GFPT2: variants seen among roughly 807,000 people sequenced by gnomAD.
GFPT2 encodes glutamine--fructose-6-phosphate transaminase 2.
Under a neutral mutation model 85.6 loss-of-function variants are expected in GFPT2, and 62 were observed. The observed-to-expected ratio is 0.72, with a 90% CI of 0.59 to 0.90. The LOEUF (loss-of-function observed/expected upper bound fraction) is 0.90. Ranked by LOEUF, GFPT2 falls within the 40% of genes least tolerant of loss-of-function variation. GFPT2 has a pLI of 0.00. For missense variants in GFPT2, 788 were observed against 893.4 expected (o/e 0.88, Z 1.50); for synonymous variants, 368 against 344.5 (o/e 1.07, Z -0.75).
At chr5:180,334,271 G>A (rs572940294) in intron 4 of GFPT2, among the ~76,000 whole-genome samples, 6 of 152,334 alleles carry the variant, frequency 3.9e-5, no homozygotes, top group African/African-American at 1.4e-4. Context: ...GGGTGGATGG[G>A]GCTCTCCTTC....
rs1397072384 is a variant in GFPT2, at chr5:180,318,920, C to T, written c.831G>A (p.Leu277=). The change falls in exon 10 of 19, where the codon CTG becomes CTA. Residue 277 remains leucine, a synonymous_variant. Coordinates refer to ENST00000253778, the MANE Select transcript of GFPT2 (RefSeq NM_005110.4). The surrounding 1 kb of genome is among the most constrained non-coding windows in gnomAD (Gnocchi z 4.2). ...CCACTGCGGCGATGTCATCGTCCTC[C>T]AGGAAGATGACCCGGTTGGTGTGCT... ...IIEHTNRVIF[L]EDDDIAAVAD... 1.9e-6 allele frequency: 3 copies of T among 1,613,492 alleles called. No homozygotes were observed. Among genetic ancestry groups the T allele is most frequent in the Admixed American group, 3.3e-5 (2 of 60,018 alleles).
Position 180,353,192 on chromosome 5 carries a change from G to C in GFPT2, c.7+19C>G. 22 of 1,235,012 alleles carry C rather than the reference G, an allele frequency of 1.8e-5. No individual in the cohort carries two copies. The highest frequency in any genetic ancestry group is 2.2e-5 in the Non-Finnish European group (22 of 987,238). The allele number at this position is 1,235,012 out of a possible 1,614,324, so 76.5% of individuals were successfully genotyped here. A position where few individuals can be genotyped will look rare whatever the true frequency, so the allele number is the denominator to read the frequency against. On this transcript the variant is annotated intron_variant, in intron 1 of 18. Coordinates refer to ENST00000253778, the MANE Select transcript of GFPT2 (RefSeq NM_005110.4). ...GCGGACGGCGTGGAGGAGGCGGCTC[G>C]GGCGGGCGCGGCACTCACCGCACAT...
At chr5:180,338,701 C>A (rs969168705) in intron 1 of GFPT2, 101 bp from the exon 2 acceptor site, 8 of 684,068 alleles carry the variant, frequency 1.2e-5, no homozygotes, top group Non-Finnish European at 1.8e-5. Context: ...ACAAAGGTCT[C>A]CCAGGGGCTT....
chr5:180,311,160 C>T (rs1014035713), intron 15 of GFPT2, among the ~76,000 whole-genome samples: 3 of 152,198 alleles, frequency 2.0e-5, no homozygotes, highest in African/African-American at 4.8e-5. Flanking sequence ...GAAGCTCCAG[C>T]GTCCACTCTG....
chr5:180,311,305 G>A (rs1314075818), intron 15 of GFPT2, among the ~76,000 whole-genome samples: 2 of 152,244 alleles, frequency 1.3e-5, no homozygotes, highest in East Asian at 3.8e-4. Flanking sequence ...TCTGGCATGT[G>A]AGTGACTGAA....
At chr5:180,321,585 A>G (rs1416027639) in intron 9 of GFPT2, among the ~76,000 whole-genome samples, 2 of 152,218 alleles carry the variant, frequency 1.3e-5, no homozygotes, top group Admixed American at 6.5e-5. Context: ...AGGCTCTCAT[A>G]CCGTGCCCCG....
intron 1 of GFPT2, among the ~76,000 whole-genome samples, chr5:180,344,225 G>A (rs944791807): frequency 6.6e-6 from 1 of 152,226 alleles, no homozygotes; most frequent in Non-Finnish European, 1.5e-5. Flanking sequence ...CGCAAGGGCT[G>A]GGGGAGGAGC....
At chr5:180,344,356 A>T (rs1014594605) in intron 1 of GFPT2, among the ~76,000 whole-genome samples, 3 of 152,076 alleles carry the variant, frequency 2.0e-5, no homozygotes, top group Non-Finnish European at 2.9e-5. Flanking sequence ...TGGTTAAGAC[A>T]TTTCACCGTG....
At chr5:180,313,775 T>C in intron 14 of GFPT2, 32 bp downstream of exon 14, 3 of 1,523,864 alleles carry the variant, frequency 2.0e-6, no homozygotes, top group Non-Finnish European at 2.6e-6. Context: ...CGCCAGGCTC[T>C]CCCTGGGACG....
intron 1 of GFPT2, chr5:180,352,756 TCTC>T (rs1561887111): frequency 2.9e-6 from 1 of 349,740 alleles, no homozygotes; most frequent in Admixed American, 3.9e-5. Flanking sequence ...TCGCCTCTCC[TCTC>T]CTCGGTGGGC....
chr5:180,331,274 T>C lies in GFPT2; in HGVS notation c.399+221A>G, dbSNP rs898957380. The C allele has an allele frequency of 6.3e-5, 36 of 567,822 alleles. No homozygotes were observed. In the East Asian group the frequency reaches 1.1e-3, roughly 17 times the overall value. 35.2% of individuals were successfully genotyped at this position (567,822 alleles called of 1,614,324 possible). A position where few individuals can be genotyped will look rare whatever the true frequency, so the allele number is the denominator to read the frequency against. ...TTATTTTGATTCTGGGAATCTGCAG[T>C]GGCCCTTGAGATAAACACTAATGCC... On this transcript the variant is annotated intron_variant, in intron 5 of 18. Coordinates refer to ENST00000253778, the MANE Select transcript of GFPT2 (RefSeq NM_005110.4).
chr5:180,351,242 GC>G (rs1434622677), intron 1 of GFPT2, among the ~76,000 whole-genome samples: 1 of 152,236 alleles, frequency 6.6e-6, no homozygotes, highest in African/African-American at 2.4e-5. Flanking sequence ...AGCTGCTGCT[GC>G]CTGCTCTGAG....
rs565609104 is a variant in GFPT2 at position 180,333,184 on chromosome 5, G to A, written c.341-1631C>T. 4.6e-5 allele frequency among the ~76,000 whole-genome samples: 7 copies of A among 151,958 alleles called. No homozygotes were observed. The East Asian group carries it at 5.8e-4, about 13-fold the overall frequency. ...TTGGATCCATATTAACTGGCTCCACGTCCATCCCCTTCTCCATTTTTTTAT... is the reference window on the plus strand; with the variant it reads ...TTGGATCCATATTAACTGGCTCCACATCCATCCCCTTCTCCATTTTTTTAT... On this transcript the variant is annotated intron_variant, in intron 4 of 18. Transcript: ENST00000253778.
intron 1 of GFPT2, among the ~76,000 whole-genome samples, chr5:180,343,144 G>A (rs1195102786): frequency 6.6e-6 from 1 of 152,100 alleles, no homozygotes; most frequent in Non-Finnish European, 1.5e-5. Context: ...TGACACAAAG[G>A]TTCAGAAATG....
chr5:180,309,033 C>A (rs1057344717), intron 15 of GFPT2, among the ~76,000 whole-genome samples: 4 of 152,108 alleles, frequency 2.6e-5, no homozygotes, highest in African/African-American at 9.7e-5. Flanking sequence ...CTGCACCCAG[C>A]TAAATTTTTT....
Position 180,301,121 on chromosome 5 carries a change from G to T in GFPT2, c.*443C>A. ...ATGCCACCTGCCAGGAGCAAGCCTG[G>T]ACACAGAGCATGGGTAGCTAGGATG... On this transcript the variant is annotated 3_prime_UTR_variant, in exon 19 of 19. Coordinates refer to ENST00000253778, the MANE Select transcript of GFPT2 (RefSeq NM_005110.4). 5.7e-6 allele frequency: 1 copy of T among 175,604 alleles called. No individual in the cohort carries two copies. Among genetic ancestry groups the T allele is most frequent in the Non-Finnish European group, 1.2e-5 (1 of 82,288 alleles). The allele number at this position is 175,604 out of a possible 1,614,324, so 10.9% of individuals were successfully genotyped here. A position where few individuals can be genotyped will look rare whatever the true frequency, so the allele number is the denominator to read the frequency against.
intron 9 of GFPT2, among the ~76,000 whole-genome samples, chr5:180,320,995 C>T (rs572219950): frequency 6.6e-6 from 1 of 151,840 alleles, no homozygotes; most frequent in African/African-American, 2.4e-5. Context: ...CAAATAACTT[C>T]GTATGCTTTG....
Position 180,336,527 on chromosome 5 carries a change from G to A in GFPT2, c.166C>T (p.Leu56=). The A allele has an allele frequency of 1.9e-6, 3 of 1,611,958 alleles. No individual in the cohort carries two copies. Among genetic ancestry groups the A allele is most frequent in the Non-Finnish European group, 2.5e-6 (3 of 1,177,998 alleles). Reference sequence around the variant, plus strand: ...TTGACTTTCCCCCTTTTCTTGACCAGCTGAATGTGTCTTTCTTTGACTTCG... The same window carrying A: ...TTGACTTTCCCCCTTTTCTTGACCAACTGAATGTGTCTTTCTTTGACTTCG... ...NHEVKERHIQ[L]VKKRGKVKAL... is the part of the protein sequence containing the mutation. The change falls in exon 3 of 19, where the codon CTG becomes TTG. Residue 56 remains leucine (L), a synonymous_variant. Coordinates refer to ENST00000253778, the MANE Select transcript of GFPT2 (RefSeq NM_005110.4).
In GFPT2 at chr5:180,316,859, G is replaced by A; in HGVS notation, c.1057C>T (p.Leu353Phe). 1 of 1,610,396 alleles carries A rather than the reference G, an allele frequency of 6.2e-7. No homozygotes were observed. The highest frequency in any genetic ancestry group is 8.5e-7 in the Non-Finnish European group (1 of 1,176,574). The change falls in exon 12 of 19, where the codon CTC becomes TTC. Residue 353 changes from leucine (L) to phenylalanine (F), a missense_variant and splice_region_variant. Leu to Phe is a conservative substitution (Grantham distance 22). Transcript: ENST00000253778. ...AAGTGGTCCTTCAAGCCACCCAGGA[G>A]CACTGCAGGGCACACGACAAGGCGT... Reference protein sequence around the residue: ...GRVNFETNTVLLGGLKDHLKE... With the variant: ...GRVNFETNTVFLGGLKDHLKE...
Sources: allele counts gnomAD v4.1 joint callset (sites outside exome capture counted in the v4.1 genomes callset), GRCh38; gene constraint gnomAD v4.1.1; non-coding constraint Gnocchi (gnomAD v3.1); transcripts MANE v1.5; gene names NCBI Gene and HGNC (gene_info 2026-07-23, HGNC 2026-07-21).